The following MON2 variants were observed in gnomAD, a reference collection of about 807,000 sequenced individuals.
The protein encoded by MON2 is MON2 regulator of endosome-to-Golgi trafficking, also known as protein MON2 homolog.
In MON2, 84 loss-of-function variants were observed where a neutral mutation model predicts 208.6. The observed-to-expected ratio is 0.40, with a 90% CI of 0.34 to 0.48. The LOEUF is 0.48. Among genes scored for constraint, MON2 ranks in the 20% least tolerant of loss-of-function variants. MON2 has a pLI of 0.59. For missense variants in MON2, 1,611 were observed against 2,015.4 expected (o/e 0.80, Z 3.84); for synonymous variants, 660 against 694.0 (o/e 0.95, Z 0.77).
rs2075573515 is a variant in MON2, at chr12:62,598,713, A to G, written c.*5964A>G. The stretch of plus-strand genomic sequence containing the variant: ...ACTGTTGTTACTCTTTCTCCTTACA[A>G]TTTTTATGTTGTTGAGATGTATCAG... On this transcript the variant is annotated 3_prime_UTR_variant, in exon 35 of 35. Transcript: ENST00000393630. The G allele has an allele frequency of 6.6e-6, 1 of 152,090 alleles. No homozygotes were observed. Among genetic ancestry groups the G allele is most frequent in the Admixed American group, 6.5e-5 (1 of 15,270 alleles). The allele number at this position is 152,090 out of a possible 1,614,324, so 9.4% of individuals were successfully genotyped here.
In MON2 at chr12:62,549,749, G is replaced by A. The variant is rs1340218162; in HGVS notation, c.2835G>A (p.Leu945=). 3 of 1,613,016 alleles carry A rather than the reference G, an allele frequency of 1.9e-6. No individual in the cohort carries two copies. The highest frequency in any genetic ancestry group is 2.7e-5 in the African/African-American group (2 of 74,904). ...DFLPTMPCTC[L]QIVVDVAGSF... is the part of the protein sequence containing the mutation. ...TACCAACAATGCCTTGTACTTGCCT[G>A]CAAATAGTTGTAGATGTTGCAGGTA... Residue 945 remains leucine, a synonymous_variant, in exon 23 of 35, where the codon CTG becomes CTA. Transcript: ENST00000393630.
At position 62,550,162 on chromosome 12, in the gene MON2, A is replaced by G. The variant is rs118090570; in HGVS notation, c.2916+332A>G. ...GCCCCTGACAAGAAAATCAGCTTGT[A>G]CTTTGAAGCCTTGAAGCCAAGCATT... On this transcript the variant is annotated intron_variant, in intron 23 of 34. Coordinates refer to ENST00000393630, the MANE Select transcript of MON2 (RefSeq NM_015026.3). Among the ~76,000 whole-genome samples, 8 of 152,304 alleles carry G rather than the reference A, an allele frequency of 5.3e-5. No individual in the cohort carries two copies. In the East Asian group the frequency reaches 1.5e-3, roughly 29 times the overall value.
chr12:62,529,792 A>G (rs1442746135), intron 11 of MON2, among the ~76,000 whole-genome samples: 7 of 152,140 alleles, frequency 4.6e-5, no homozygotes, highest in African/African-American at 1.7e-4. Flanking sequence ...TGGATATTTC[A>G]TATAAATGGA....
chr12:62,584,260 A>G (rs1403014463), intron 32 of MON2, among the ~76,000 whole-genome samples: 1 of 152,186 alleles, frequency 6.6e-6, no homozygotes. Flanking sequence ...TTCTCTGGTA[A>G]TGCTGATGCT....
chr12:62,499,636 G>A (rs1373396855), intron 5 of MON2, among the ~76,000 whole-genome samples: 1 of 152,094 alleles, frequency 6.6e-6, no homozygotes, highest in African/African-American at 2.4e-5. Flanking sequence ...CATTTTGGGA[G>A]GCTGAGGTGG....
chr12:62,559,404 C>A, intron 25 of MON2, among the ~76,000 whole-genome samples: 1 of 152,078 alleles, frequency 6.6e-6, no homozygotes, highest in Non-Finnish European at 1.5e-5. Context: ...TGGCTGTAAT[C>A]CCAGCCCTTT....
chr12:62,535,467 G>A (rs1247874466), intron 13 of MON2, 58 bp from the exon 14 acceptor site: 34 of 1,260,018 alleles, frequency 2.7e-5, no homozygotes, highest in Non-Finnish European at 4.3e-6. Flanking sequence ...TCCACATCAT[G>A]CTTTACAATG....
chr12:62,553,990 C>T (rs2073860295), intron 24 of MON2, among the ~76,000 whole-genome samples: 1 of 152,176 alleles, frequency 6.6e-6, no homozygotes, highest in Non-Finnish European at 1.5e-5. Flanking sequence ...TCAAGACCAA[C>T]CTGGCCAATA....
In MON2 at chr12:62,600,134, A is replaced by C. The variant is rs1046215222; in HGVS notation, c.*7385A>C. On this transcript the variant is annotated 3_prime_UTR_variant, in exon 35 of 35. Coordinates refer to ENST00000393630, the MANE Select transcript of MON2 (RefSeq NM_015026.3). ...GTGTCCTCCTCTGTGAAATGGAGTT[A>C]ATCGTGGTATTTAACAGAATTCAAA... 3.3e-5 allele frequency: 5 copies of C among 152,212 alleles called. No individual in the cohort carries two copies. Among genetic ancestry groups the C allele is most frequent in the Non-Finnish European group, 7.3e-5 (5 of 68,044 alleles). 9.4% of individuals were successfully genotyped at this position (152,212 alleles called of 1,614,324 possible). A position where few individuals can be genotyped will look rare whatever the true frequency, so the allele number is the denominator to read the frequency against.
In MON2 at chr12:62,508,289, C is replaced by G. The variant is rs1334210140; in HGVS notation, c.793C>G (p.Gln265Glu). 7 of 1,606,456 alleles carry G rather than the reference C, an allele frequency of 4.4e-6. No individual in the cohort carries two copies. The highest frequency in any genetic ancestry group is 5.1e-6 in the Non-Finnish European group (6 of 1,176,270). Residue 265 changes from glutamine (Q) to glutamate (E), a missense_variant, in exon 8 of 35, where the codon CAA becomes GAA. Physicochemically the swap from Gln to Glu is conservative, Grantham distance 29. Transcript: ENST00000393630. ...NDFPQVFLQH[Q>E]EFSFLLKERV... ...TTTCTTTTTTCCTTGCAAATAGCAC[C>G]AAGAATTTAGTTTCCTCCTCAAAGA...
chr12:62,581,953 A>G (rs976751925), intron 32 of MON2, among the ~76,000 whole-genome samples: 3 of 152,198 alleles, frequency 2.0e-5, no homozygotes, highest in Non-Finnish European at 4.4e-5. Flanking sequence ...ATTTATGTGT[A>G]CAGTTTGACC....
chr12:62,486,038 G>T (rs979390053), intron 2 of MON2, among the ~76,000 whole-genome samples: 1 of 152,114 alleles, frequency 6.6e-6, no homozygotes, highest in East Asian at 1.9e-4. Context: ...ACATTAGGCA[G>T]ATTAGCTACT....
chr12:62,553,065 T>C lies in MON2; in HGVS notation c.3101T>C (p.Val1034Ala), dbSNP rs2073816970. The C allele has an allele frequency of 1.2e-6, 2 of 1,614,056 alleles. No homozygotes were observed. Among genetic ancestry groups the C allele is most frequent in the Non-Finnish European group, 1.7e-6 (2 of 1,180,016 alleles). Residue 1034 changes from valine to alanine, a missense_variant, in exon 24 of 35, where the codon GTG (valine) becomes GCG (alanine). By Grantham distance (64) the Val-to-Ala change is moderately conservative. Transcript: ENST00000393630. ...TATGCAAAATTGGGTGAACTATGTG[T>C]GGATCCCCGTCCTGCTGTCAGGAAG... ...CLYAKLGELC[V>A]DPRPAVRKSA...
At chr12:62,475,472 A>G (rs1208536092) in intron 1 of MON2, among the ~76,000 whole-genome samples, 3 of 124,730 alleles carry the variant, frequency 2.4e-5, no homozygotes, top group African/African-American at 5.1e-5. Flanking sequence ...GTGAAACTCT[A>G]TCTTTAAAAA....
chr12:62,586,535 G>A (rs2075226103), intron 33 of MON2, among the ~76,000 whole-genome samples: 1 of 151,964 alleles, frequency 6.6e-6, no homozygotes, highest in Non-Finnish European at 1.5e-5. Flanking sequence ...TAGTCATGTG[G>A]TACTTTGCTT....
At chr12:62,498,527 A>C (rs187677756) in intron 4 of MON2, among the ~76,000 whole-genome samples, 31 of 152,316 alleles carry the variant, frequency 2.0e-4, no homozygotes, top group Middle Eastern at 3.4e-3. Flanking sequence ...AAAAGAAAAA[A>C]ATGACTCCTT....
At chr12:62,545,858 C>A (rs1194933835) in intron 21 of MON2, among the ~76,000 whole-genome samples, 1 of 152,118 alleles carries the variant, frequency 6.6e-6, no homozygotes, top group African/African-American at 2.4e-5. Flanking sequence ...TTCATATGTT[C>A]TTCTGCAACA....
At chr12:62,482,146 A>T (rs1347686573) in intron 1 of MON2, among the ~76,000 whole-genome samples, 1 of 152,224 alleles carries the variant, frequency 6.6e-6, no homozygotes, top group African/African-American at 2.4e-5. Context: ...CTACATTCAA[A>T]ATTGCTGGTG....
intron 8 of MON2, among the ~76,000 whole-genome samples, chr12:62,514,551 C>T (rs1206480431): frequency 6.6e-6 from 1 of 152,176 alleles, no homozygotes; most frequent in Non-Finnish European, 1.5e-5. Flanking sequence ...CATCAGATCT[C>T]ATGAGATTTA....
Sources: gnomAD v4.1 joint callset for allele counts (sites outside exome capture counted in the v4.1 genomes callset) on GRCh38, gnomAD v4.1.1 for gene constraint, MANE v1.5 for transcripts, NCBI Gene and HGNC (gene_info 2026-07-23, HGNC 2026-07-21) for gene names.